TLE4: variants seen among roughly 807,000 people sequenced by gnomAD.
TLE4 encodes transducin-like enhancer protein 4.
TLE4 carries 8 observed loss-of-function variants against 92.8 expected under a neutral mutation model. The observed-to-expected ratio is 0.09, with a 90% CI of 0.05 to 0.16. The LOEUF (loss-of-function observed/expected upper bound fraction) is 0.16. Among genes scored for constraint, TLE4 ranks in the 10% least tolerant of loss-of-function variants. TLE4 has a pLI of 1.00. For synonymous variants in TLE4, 371 were observed against 374.1 expected (o/e 0.99, Z 0.10); for missense variants, 675 against 997.6 (o/e 0.68, Z 4.36).
At chr9:79,712,511 C>G (rs62569354) in intron 14 of TLE4, among the ~76,000 whole-genome samples, 2,430 of 152,258 alleles carry the variant, frequency 0.016, 33 homozygotes, top group Middle Eastern at 0.024. Context: ...AGTCTTCCTC[C>G]ACCATACATA....
At chr9:79,610,636 T>A (rs146827047) in intron 4 of TLE4, among the ~76,000 whole-genome samples, 1 of 152,240 alleles carries the variant, frequency 6.6e-6, no homozygotes, top group Non-Finnish European at 1.5e-5. Flanking sequence ...AAGGAGATCT[T>A]TAACGGAAGT....
At chr9:79,715,190 T>C (rs1325185956) in intron 14 of TLE4, among the ~76,000 whole-genome samples, 2 of 152,202 alleles carry the variant, frequency 1.3e-5, no homozygotes. Flanking sequence ...GAAATCTCAG[T>C]GCTCTTTAAT....
At chr9:79,576,079 A>G in intron 3 of TLE4, 54 bp from the exon 4 acceptor site, 1 of 1,300,628 alleles carries the variant, frequency 7.7e-7, no homozygotes, top group Non-Finnish European at 1.0e-6. Flanking sequence ...TGAACAAACT[A>G]GGGAGATTGT....
chr9:79,573,608 A>T, intron 1 of TLE4, 81 bp from the exon 2 acceptor site: 1 of 1,210,168 alleles, frequency 8.3e-7, no homozygotes, highest in Non-Finnish European at 1.2e-6. Flanking sequence ...ACCCCCCGCT[A>T]ACGCCGCATA....
intron 5 of TLE4, among the ~76,000 whole-genome samples, chr9:79,625,251 C>G (rs2052289979): frequency 6.6e-6 from 1 of 151,546 alleles, no homozygotes; most frequent in Admixed American, 6.6e-5. Flanking sequence ...GATCTCCTGA[C>G]CTCGTGATCC....
intron 4 of TLE4, among the ~76,000 whole-genome samples, chr9:79,592,246 C>CTTCTTCT (rs1456845877): frequency 1.6e-5 from 2 of 125,560 alleles, no homozygotes; most frequent in East Asian, 2.2e-4. Flanking sequence ...CCTTCTGCTT[C>CTTCTTCT]TTCTTCTTTC....
At chr9:79,576,092 G>C in intron 3 of TLE4, 41 bp from the exon 4 acceptor site, 1 of 1,397,828 alleles carries the variant, frequency 7.2e-7, no homozygotes, top group South Asian at 1.7e-5. Flanking sequence ...GAGATTGTTT[G>C]ATGAAAGTCA....
chr9:79,607,540 A>G (rs1159279391), intron 4 of TLE4, among the ~76,000 whole-genome samples: 1 of 152,022 alleles, frequency 6.6e-6, no homozygotes, highest in Admixed American at 6.6e-5. Flanking sequence ...ATCTTGAGTT[A>G]ATTTTTATGT....
At chr9:79,596,234 T>C (rs2043981899) in intron 4 of TLE4, among the ~76,000 whole-genome samples, 2 of 152,160 alleles carry the variant, frequency 1.3e-5, no homozygotes, top group South Asian at 4.1e-4. Flanking sequence ...GACCATGTTA[T>C]TGTCTGAGAA....
chr9:79,588,135 C>CGTGT (rs71364418), intron 4 of TLE4, among the ~76,000 whole-genome samples: 1,970 of 146,758 alleles, frequency 0.013, 44 homozygotes, highest in Admixed American at 0.068. Context: ...TTTATCCTTG[C>CGTGT]GTGTGTGTGT....
chr9:79,618,520 C>A (rs983543354), intron 5 of TLE4, among the ~76,000 whole-genome samples: 2 of 152,160 alleles, frequency 1.3e-5, no homozygotes, highest in African/African-American at 4.8e-5. Context: ...ATTTATTAAA[C>A]TCATGGTCAT....
chr9:79,696,406 T>G (rs1263044413), intron 8 of TLE4, among the ~76,000 whole-genome samples: 1 of 152,156 alleles, frequency 6.6e-6, no homozygotes, highest in East Asian at 1.9e-4. Flanking sequence ...TTGAAAACTG[T>G]TTAGCCCTTT....
intron 16 of TLE4, 82 bp downstream of exon 16, chr9:79,720,375 T>TTG: frequency 3.1e-6 from 2 of 653,176 alleles, no homozygotes; most frequent in Admixed American, 1.0e-4. Context: ...TATATAGGTA[T>TTG]GGGTGTGTGT....
chr9:79,708,209 T>C lies in TLE4; in HGVS notation c.1028T>C (p.Leu343Ser). 1 of 1,614,192 alleles carries C rather than the reference T, an allele frequency of 6.2e-7. No homozygotes were observed. The highest frequency in any genetic ancestry group is 8.5e-7 in the Non-Finnish European group (1 of 1,180,034). Residue 343 changes from leucine (L) to serine (S), a missense_variant, in exon 12 of 20, where the codon TTG (leucine) becomes TCG (serine). Around this residue, in one of 5 missense-constraint regions of TLE4, gnomAD observed 280 missense variants for 287.3 expected, o/e 0.97. Coordinates refer to ENST00000376552, the MANE Select transcript of TLE4 (RefSeq NM_007005.6). ...PTPGSNSTPG[L>S]RPVPGKPPGV... ...CCAGGCAGTAACTCTACTCCCGGAT[T>C]GAGGCCTGTACCTGGAAAACCACCA...
At chr9:79,580,110 A>G (rs2039208430) in intron 4 of TLE4, 1 of 152,224 alleles carries the variant, frequency 6.6e-6, no homozygotes, top group South Asian at 2.1e-4. Flanking sequence ...ACTGCTGCCC[A>G]TCATGGAGCA....
chr9:79,626,554 G>A (rs867406599), intron 5 of TLE4, among the ~76,000 whole-genome samples: 3 of 152,088 alleles, frequency 2.0e-5, no homozygotes, highest in South Asian at 2.1e-4. Flanking sequence ...TTTGGAGGGG[G>A]TAATTCTTGT....
At chr9:79,591,850 G>A (rs1304383495) in intron 4 of TLE4, among the ~76,000 whole-genome samples, 1 of 152,202 alleles carries the variant, frequency 6.6e-6, no homozygotes, top group African/African-American at 2.4e-5. Flanking sequence ...ATGCTGCCAG[G>A]TGTGGTACCT....
intron 7 of TLE4, among the ~76,000 whole-genome samples, 161 bp from the exon 8 acceptor site, chr9:79,653,898 A>G (rs933244595): frequency 6.6e-5 from 10 of 152,248 alleles, no homozygotes; most frequent in Non-Finnish European, 4.4e-5. Context: ...GTTGTGCAGT[A>G]TTAATAATTA....
intron 5 of TLE4, among the ~76,000 whole-genome samples, chr9:79,620,865 G>A (rs1229044596): frequency 1.3e-5 from 2 of 152,082 alleles, no homozygotes; most frequent in Non-Finnish European, 2.9e-5. Flanking sequence ...GATGGAAGGC[G>A]AAGTGGTGAA....
Sources: gnomAD v4.1 joint callset for allele counts (sites outside exome capture counted in the v4.1 genomes callset) on GRCh38, gnomAD v4.1.1 for gene constraint, gnomAD v4.1.1 regional missense constraint, MANE v1.5 for transcripts, NCBI Gene and HGNC (gene_info 2026-07-23, HGNC 2026-07-21) for gene names.